PCDHGB3: variants seen among roughly 807,000 people sequenced by gnomAD.
PCDHGB3 encodes protocadherin gamma subfamily B, 3.
A neutral mutation model predicts 59.2 loss-of-function variants in PCDHGB3; 40 were observed. That is an observed-to-expected ratio of 0.68 (90% CI 0.52 to 0.88). PCDHGB3 has a LOEUF of 0.88. PCDHGB3 is among the 40% of genes least tolerant of loss of function. The pLI, the probability that PCDHGB3 is intolerant of heterozygous loss-of-function variation, is 0.00. For synonymous variants in PCDHGB3, 581 were observed against 503.6 expected, an observed-to-expected ratio of 1.15 and a Z score of -2.06; for missense variants, 1,309 against 1,187.9, an observed-to-expected ratio of 1.10 and a Z score of -1.50.
At chr5:141,461,133 T>C (rs2099009646) in intron 1 of PCDHGB3, among the ~76,000 whole-genome samples, 1 of 152,086 alleles carries the variant, frequency 6.6e-6, no homozygotes, top group South Asian at 2.1e-4. Flanking sequence ...TAATTACTTA[T>C]TTTCCTTTGG....
At chr5:141,415,740 G>GTTTTTTT (rs57426385) in intron 1 of PCDHGB3, 164 of 624,990 alleles carry the variant, frequency 2.6e-4, no homozygotes, top group African/African-American at 5.0e-4. Flanking sequence ...GTTTATTAAG[G>GTTTTTTT]TTTTTTTTTT....
chr5:141,394,128 GC>G, intron 1 of PCDHGB3: 4 of 1,613,730 alleles, frequency 2.5e-6, no homozygotes, highest in Non-Finnish European at 3.4e-6. Context: ...AACTCAAATC[GC>G]TCTGCACGTG....
intron 1 of PCDHGB3, among the ~76,000 whole-genome samples, chr5:141,483,340 C>T (rs906468552): frequency 5.9e-5 from 9 of 152,036 alleles, no homozygotes; most frequent in Non-Finnish European, 1.2e-4. Flanking sequence ...GATCTTATCT[C>T]TTTGCAATAG....
At chr5:141,409,334 G>A (rs767579166) in intron 1 of PCDHGB3, 1 of 1,613,974 alleles carries the variant, frequency 6.2e-7, no homozygotes, top group South Asian at 1.1e-5. Flanking sequence ...GGATTTCGGA[G>A]GAAATGGAGA....
chr5:141,403,667 G>T (rs1386561971), intron 1 of PCDHGB3: 8 of 1,613,910 alleles, frequency 5.0e-6, no homozygotes, highest in Non-Finnish European at 6.8e-6. Flanking sequence ...AAATGATAAT[G>T]CCCCGGTTTT....
chr5:141,472,337 C>T (rs1327386198), intron 1 of PCDHGB3, among the ~76,000 whole-genome samples: 1 of 151,764 alleles, frequency 6.6e-6, no homozygotes, highest in Non-Finnish European at 1.5e-5. Context: ...GTTGGGAGAT[C>T]GAGACCATCC....
At chr5:141,505,827 TCA>T (rs1197972266) in intron 3 of PCDHGB3, among the ~76,000 whole-genome samples, 4 of 152,072 alleles carry the variant, frequency 2.6e-5, no homozygotes, top group South Asian at 4.1e-4. Context: ...TCTCTAAACC[TCA>T]GTTTCCTCAG....
intron 1 of PCDHGB3, chr5:141,388,960 A>C: frequency 1.2e-6 from 2 of 1,614,038 alleles, no homozygotes; most frequent in Non-Finnish European, 1.7e-6. Context: ...GAGGACGCCG[A>C]GCTGGGAACA....
At position 141,427,172 on chromosome 5, in the gene PCDHGB3, TG is replaced by T. The variant is rs757372749; in HGVS notation, c.2415+54367del. ...ATATGTTTGTGCTAGACCATCAAAA[TG>T]GGGAAATTAAATCCAAAGACTTAAT... On this transcript the variant is annotated intron_variant, in intron 1 of 3. Coordinates refer to ENST00000576222, the MANE Select transcript of PCDHGB3 (RefSeq NM_018924.5). The T allele has an allele frequency of 3.9e-5, 18 of 456,596 alleles. 1 individual carries two copies. The highest frequency in any genetic ancestry group is 2.6e-4 in the South Asian group (17 of 64,568). 28.3% of individuals were successfully genotyped at this position (456,596 alleles called of 1,614,324 possible). A position where few individuals can be genotyped will look rare whatever the true frequency, so the allele number is the denominator to read the frequency against.
rs2099450974 is a variant in PCDHGB3 at position 141,478,361 on chromosome 5, G to A, written c.2416-16446G>A. 6 of 1,613,776 alleles carry A rather than the reference G, an allele frequency of 3.7e-6. No individual in the cohort carries two copies. The East Asian group carries it at 1.3e-4, about 36-fold the overall frequency. ...CTCCTTGCACGCGGACGCCGTGCGGGGAGGCCTGATGTCGCCGCACCTTTA... is the reference window on the plus strand; with the variant it reads ...CTCCTTGCACGCGGACGCCGTGCGGAGAGGCCTGATGTCGCCGCACCTTTA... On this transcript the variant is annotated intron_variant, in intron 1 of 3. Coordinates refer to ENST00000576222, the MANE Select transcript of PCDHGB3 (RefSeq NM_018924.5).
At chr5:141,389,829 C>T in intron 1 of PCDHGB3, 3 of 1,613,980 alleles carry the variant, frequency 1.9e-6, no homozygotes, top group Non-Finnish European at 2.5e-6. Context: ...TGACGGTGGA[C>T]AGCCACCACT....
chr5:141,439,176 T>C (rs1044289122), intron 1 of PCDHGB3, among the ~76,000 whole-genome samples: 3 of 146,068 alleles, frequency 2.1e-5, no homozygotes, highest in African/African-American at 7.8e-5. Context: ...CTGGGCGACA[T>C]AGTGAGACTC....
Position 141,393,710 on chromosome 5 carries a change from G to T in PCDHGB3, c.2415+20901G>T, listed in dbSNP as rs143738602. On this transcript the variant is annotated intron_variant, in intron 1 of 3. Transcript: ENST00000576222. Reference sequence around the variant, plus strand: ...TATTCCAGCTTAATGAAAATACTGGGGAAATATCAATAGCAAAAAGTCTAG... The same window carrying T: ...TATTCCAGCTTAATGAAAATACTGGTGAAATATCAATAGCAAAAAGTCTAG... 837 of 1,613,794 alleles carry T rather than the reference G, an allele frequency of 5.2e-4. 2 individuals carry two copies. In the African/African-American group the frequency reaches 1.0e-2, roughly 19 times the overall value.
At chr5:141,458,075 A>G (rs1301404730) in intron 1 of PCDHGB3, among the ~76,000 whole-genome samples, 2 of 152,234 alleles carry the variant, frequency 1.3e-5, no homozygotes, top group Non-Finnish European at 2.9e-5. Flanking sequence ...GAACAACTAT[A>G]TTGCCGTAAG....
rs376101780 is a variant in PCDHGB3, at chr5:141,485,901, A to G, written c.2416-8906A>G. 3 of 1,614,026 alleles carry G rather than the reference A, an allele frequency of 1.9e-6. No homozygotes were observed. In the African/African-American group the frequency reaches 4.0e-5, roughly 22 times the overall value. Reference sequence around the variant, plus strand: ...GTAAACGACAACGCCCCAGCCTTCCAGCAATCCAGCTACAGGATTAGTGTG... The same window carrying G: ...GTAAACGACAACGCCCCAGCCTTCCGGCAATCCAGCTACAGGATTAGTGTG... On this transcript the variant is annotated intron_variant, in intron 1 of 3. Coordinates refer to ENST00000576222, the MANE Select transcript of PCDHGB3 (RefSeq NM_018924.5). This position sits in a 1 kb window ranked among gnomAD's most constrained non-coding sequence, Gnocchi z 5.7.
chr5:141,393,118 G>C (rs1254219994), intron 1 of PCDHGB3: 31 of 1,613,354 alleles, frequency 1.9e-5, no homozygotes, highest in Non-Finnish European at 2.5e-5. Flanking sequence ...AGCCCGCGGT[G>C]TCTGATAAAT....
At chr5:141,427,845 G>C in intron 1 of PCDHGB3, 1 of 1,550,582 alleles carries the variant, frequency 6.4e-7, no homozygotes, top group Non-Finnish European at 8.8e-7. Context: ...CTTCGACCAC[G>C]AGCAGCTGTG....
chr5:141,395,129 G>C (rs2093179899), intron 1 of PCDHGB3: 1 of 1,614,182 alleles, frequency 6.2e-7, no homozygotes, highest in African/African-American at 1.3e-5. Context: ...TCTTTCCCCA[G>C]CCCAACTACG....
At chr5:141,404,684 G>GT in intron 1 of PCDHGB3, 1 of 1,614,104 alleles carries the variant, frequency 6.2e-7, no homozygotes, top group Non-Finnish European at 8.5e-7. Flanking sequence ...TGTGGAGCTG[G>GT]CACCCCGCTC....
Sources: allele counts gnomAD v4.1 joint callset (sites outside exome capture counted in the v4.1 genomes callset), GRCh38; gene constraint gnomAD v4.1.1; non-coding constraint Gnocchi (gnomAD v3.1); transcripts MANE v1.5; gene names NCBI Gene and HGNC (gene_info 2026-07-23, HGNC 2026-07-21).